MCTP1: variants seen among roughly 807,000 people sequenced by gnomAD.
MCTP1 encodes the protein multiple C2 and transmembrane domain containing 1.
Under a neutral mutation model 120.6 loss-of-function variants are expected in MCTP1, and 69 were observed. That is an observed-to-expected ratio of 0.57 (90% CI 0.47 to 0.70). MCTP1 has a LOEUF of 0.70. Among genes scored for constraint, MCTP1 ranks in the 30% least tolerant of loss-of-function variants. MCTP1 has a pLI of 0.00. For synonymous variants in MCTP1, 529 were observed against 493.1 expected (o/e 1.07, Z -0.96); for missense variants, 1,203 against 1,248.8 (o/e 0.96, Z 0.55).
chr5:94,841,044 T>G (rs549110576), intron 17 of MCTP1, among the ~76,000 whole-genome samples: 1 of 152,296 alleles, frequency 6.6e-6, no homozygotes, highest in South Asian at 2.1e-4. Context: ...GGGCAGCATC[T>G]TTGACACTGG....
At chr5:95,234,633 CAT>C (rs1755336869) in intron 1 of MCTP1, among the ~76,000 whole-genome samples, 1 of 152,156 alleles carries the variant, frequency 6.6e-6, no homozygotes, top group Admixed American at 6.5e-5. Flanking sequence ...CATGAATAAA[CAT>C]AGATATTTAA....
intron 1 of MCTP1, among the ~76,000 whole-genome samples, chr5:95,100,747 T>G (rs913110807): frequency 2.6e-5 from 4 of 152,138 alleles, no homozygotes; most frequent in African/African-American, 9.7e-5. Context: ...TTGCTACATA[T>G]CCCAGCGATG....
At chr5:94,978,289 T>C (rs2153589385) in intron 2 of MCTP1, among the ~76,000 whole-genome samples, 1 of 152,098 alleles carries the variant, frequency 6.6e-6, no homozygotes, top group Non-Finnish European at 1.5e-5. Context: ...GAAAACAATA[T>C]GGAGATTTCT....
At chr5:95,118,008 G>A (rs1757945874) in intron 1 of MCTP1, among the ~76,000 whole-genome samples, 1 of 152,122 alleles carries the variant, frequency 6.6e-6, no homozygotes, top group African/African-American at 2.4e-5. Flanking sequence ...CAATACATAT[G>A]GGGGCCTGTC....
chr5:94,775,610 T>G (rs255375), intron 19 of MCTP1, among the ~76,000 whole-genome samples: 75,320 of 151,950 alleles, frequency 0.5, 19,059 homozygotes, highest in East Asian at 0.65. Flanking sequence ...AATTGAGAAC[T>G]CAGTATGATG....
At chr5:95,111,496 C>A (rs886283577) in intron 1 of MCTP1, among the ~76,000 whole-genome samples, 1 of 152,128 alleles carries the variant, frequency 6.6e-6, no homozygotes, top group Non-Finnish European at 1.5e-5. Context: ...AAATCTATTT[C>A]CAGATTAGCC....
At chr5:94,827,295 C>T (rs571737407) in intron 17 of MCTP1, among the ~76,000 whole-genome samples, 1 of 152,220 alleles carries the variant, frequency 6.6e-6, no homozygotes, top group African/African-American at 2.4e-5. Context: ...TGAATATTGG[C>T]CCCCACTCTC....
intron 10 of MCTP1, among the ~76,000 whole-genome samples, chr5:94,903,187 C>A (rs143822007): frequency 4.7e-4 from 72 of 151,746 alleles, no homozygotes; most frequent in Non-Finnish European, 9.4e-4. Context: ...TTTTTAAACT[C>A]TCTTCAGTTT....
chr5:95,147,017 A>G (rs2152451808), intron 1 of MCTP1, among the ~76,000 whole-genome samples: 1 of 152,252 alleles, frequency 6.6e-6, no homozygotes, highest in South Asian at 2.1e-4. Context: ...GAGTCTTTTC[A>G]TAGGTCAAAA....
At chr5:95,194,592 A>G (rs1240353552) in intron 1 of MCTP1, among the ~76,000 whole-genome samples, 1 of 152,250 alleles carries the variant, frequency 6.6e-6, no homozygotes, top group Non-Finnish European at 1.5e-5. Flanking sequence ...TGATGCAAGT[A>G]TTCAGGTATA....
chr5:94,823,589 T>A (rs952608409), intron 17 of MCTP1, among the ~76,000 whole-genome samples: 4 of 152,212 alleles, frequency 2.6e-5, no homozygotes, highest in African/African-American at 9.7e-5. Flanking sequence ...AGAAAGTCAA[T>A]GGTAGCTTGA....
At chr5:95,045,587 G>A (rs1843009034) in intron 1 of MCTP1, among the ~76,000 whole-genome samples, 1 of 152,144 alleles carries the variant, frequency 6.6e-6, no homozygotes, top group Admixed American at 6.6e-5. Flanking sequence ...AAGTGTCTCA[G>A]AATTTAGTGA....
At chr5:95,056,223 A>ATAAG (rs1421899180) in intron 1 of MCTP1, among the ~76,000 whole-genome samples, 1 of 152,250 alleles carries the variant, frequency 6.6e-6, no homozygotes. Context: ...AGCTCTTAAT[A>ATAAG]CATCCACTTG....
intron 17 of MCTP1, among the ~76,000 whole-genome samples, chr5:94,852,316 G>A (rs75016792): frequency 2.1e-3 from 324 of 151,838 alleles, no homozygotes; most frequent in African/African-American, 7.1e-3. Flanking sequence ...TATTAATTAA[G>A]GGTAAAAAGT....
At chr5:95,000,155 T>C (rs1833394241) in intron 2 of MCTP1, among the ~76,000 whole-genome samples, 1 of 152,204 alleles carries the variant, frequency 6.6e-6, no homozygotes, top group Non-Finnish European at 1.5e-5. Context: ...AATGTCATAG[T>C]GCAATGCATT....
At chr5:94,929,657 C>A (rs929816409) in intron 6 of MCTP1, 12 of 984,782 alleles carry the variant, frequency 1.2e-5, no homozygotes, top group Non-Finnish European at 1.4e-5. Flanking sequence ...CACAATTTAC[C>A]GGAGGAAAAG....
chr5:95,076,453 A>G (rs368810449), intron 1 of MCTP1, among the ~76,000 whole-genome samples: 1 of 8,144 alleles, frequency 1.2e-4, no homozygotes, highest in Non-Finnish European at 0.011. Flanking sequence ...CTGAAAAAGG[A>G]AAAAAAAAAA....
intron 1 of MCTP1, among the ~76,000 whole-genome samples, chr5:95,273,182 G>A (rs1466091759): frequency 6.6e-6 from 1 of 152,170 alleles, no homozygotes; most frequent in Non-Finnish European, 1.5e-5. Flanking sequence ...GTCCCAGTGT[G>A]GTGTGGTGAA....
rs1753944333 is a variant in MCTP1 at position 94,703,699 on chromosome 5, A to C, written c.*3797T>G. ...TGAAACTCATTTGAGGTCAGTTACAATATTTGATTGTTTTTATTTTTTGAT... is the reference window on the plus strand; with the variant it reads ...TGAAACTCATTTGAGGTCAGTTACACTATTTGATTGTTTTTATTTTTTGAT... On this transcript the variant is annotated 3_prime_UTR_variant, in exon 23 of 23. Coordinates refer to ENST00000515393, the MANE Select transcript of MCTP1 (RefSeq NM_024717.7). 1 of 151,078 alleles carries C rather than the reference A, an allele frequency of 6.6e-6. No homozygotes were observed. Among genetic ancestry groups the C allele is most frequent in the South Asian group, 2.1e-4 (1 of 4,814 alleles). The allele number at this position is 151,078 out of a possible 1,614,324, so 9.4% of individuals were successfully genotyped here.
Sources: gnomAD v4.1 joint callset for allele counts (sites outside exome capture counted in the v4.1 genomes callset) on GRCh38, gnomAD v4.1.1 for gene constraint, MANE v1.5 for transcripts, NCBI Gene and HGNC (gene_info 2026-07-23, HGNC 2026-07-21) for gene names.